Variants in PAQR5 observed in about 807,000 individuals in gnomAD.
PAQR5 encodes membrane progestin receptor gamma.
In PAQR5, 20 loss-of-function variants were observed where a neutral mutation model predicts 34.5. The observed-to-expected ratio is 0.58, with a 90% CI of 0.41 to 0.84. The LOEUF (loss-of-function observed/expected upper bound fraction) is 0.84. PAQR5 is among the 40% of genes least tolerant of loss of function. PAQR5 has a pLI of 0.00. For missense variants in PAQR5, 378 were observed against 412.7 expected (o/e 0.92, Z 0.73); for synonymous variants, 131 against 155.6 (o/e 0.84, Z 1.18).
chr15:69,317,269 C>T (rs947540393), intron 1 of PAQR5, among the ~76,000 whole-genome samples: 20 of 152,226 alleles, frequency 1.3e-4, no homozygotes, highest in East Asian at 5.8e-4. Flanking sequence ...ATGCCATACA[C>T]ACCAGGGGGA....
chr15:69,306,654 C>T (rs1004394546), intron 1 of PAQR5, among the ~76,000 whole-genome samples: 4 of 152,098 alleles, frequency 2.6e-5, no homozygotes, highest in Non-Finnish European at 1.5e-5. Context: ...CTGCCCACCT[C>T]GGCCTCCCAA....
At chr15:69,351,587 A>G (rs4567654) in intron 2 of PAQR5, among the ~76,000 whole-genome samples, 12,118 of 152,248 alleles carry the variant, frequency 0.08, 1,144 homozygotes, top group African/African-American at 0.22. Context: ...TAAACTCTCC[A>G]GCCCTTTGTC....
chr15:69,377,053 C>T (rs2055727630), intron 3 of PAQR5, among the ~76,000 whole-genome samples: 1 of 152,218 alleles, frequency 6.6e-6, no homozygotes, highest in Non-Finnish European at 1.5e-5. Context: ...AATGTTTCTG[C>T]TCTCACTGGT....
At position 69,299,008 on chromosome 15, in the gene PAQR5, G is replaced by T. The variant is rs527940996; in HGVS notation, c.-325G>T. The T allele has an allele frequency of 6.6e-6, 1 of 152,162 alleles. No homozygotes were observed. Among genetic ancestry groups the T allele is most frequent in the South Asian group, 2.1e-4 (1 of 4,828 alleles). 9.4% of individuals were successfully genotyped at this position (152,162 alleles called of 1,614,324 possible). A position where few individuals can be genotyped will look rare whatever the true frequency, so the allele number is the denominator to read the frequency against. On this transcript the variant is annotated 5_prime_UTR_variant, in exon 1 of 9. Transcript: ENST00000395407. ...AGTGTCTGGTCTCCGGCCTGCCTGT[G>T]CTGTCCCCGCGCCCTGTCCACTGGA...
chr15:69,370,003 T>A (rs1169447546), intron 3 of PAQR5, among the ~76,000 whole-genome samples: 2 of 152,196 alleles, frequency 1.3e-5, no homozygotes, highest in Non-Finnish European at 1.5e-5. Flanking sequence ...TACTTTTGTG[T>A]GATTTTTGCT....
Position 69,384,852 on chromosome 15 carries a change from G to A in PAQR5, c.355G>A (p.Asp119Asn), listed in dbSNP as rs754919988. ...KNARHICYFL[D>N]YGAVNLFSLG... ...TGCCCGGCACATTTGCTACTTCCTGGACTATGGTGCCGTCAACCTCTTCAG... is the reference window on the plus strand; with the variant it reads ...TGCCCGGCACATTTGCTACTTCCTGAACTATGGTGCCGTCAACCTCTTCAG... The change falls in exon 5 of 9, where the codon GAC becomes AAC. Residue 119 changes from aspartate to asparagine, a missense_variant. Asp to Asn is a conservative substitution (Grantham distance 23, BLOSUM62 1). Coordinates refer to ENST00000395407, the MANE Select transcript of PAQR5 (RefSeq NM_017705.4). 1 of 1,614,026 alleles carries A rather than the reference G, an allele frequency of 6.2e-7. No homozygotes were observed. Among genetic ancestry groups the A allele is most frequent in the South Asian group, 1.1e-5 (1 of 91,072 alleles).
chr15:69,304,410 A>G (rs1566988872), intron 1 of PAQR5, among the ~76,000 whole-genome samples: 1 of 152,186 alleles, frequency 6.6e-6, no homozygotes, highest in Non-Finnish European at 1.5e-5. Context: ...CCACAGTTGG[A>G]GACATGGTGT....
chr15:69,382,762 GTA>G (rs1285413934), intron 4 of PAQR5: 1 of 119,232 alleles, frequency 8.4e-6, no homozygotes, highest in African/African-American at 3.3e-5. Flanking sequence ...ATATATATGT[GTA>G]TATATATGTG....
At chr15:69,329,092 G>A (rs552879822) in intron 1 of PAQR5, among the ~76,000 whole-genome samples, 5 of 152,344 alleles carry the variant, frequency 3.3e-5, no homozygotes, top group African/African-American at 7.2e-5. Context: ...ATGCGGCTTC[G>A]CCCTTGTTCA....
intron 1 of PAQR5, among the ~76,000 whole-genome samples, chr15:69,333,987 T>G (rs1003307014): frequency 1.1e-4 from 16 of 152,186 alleles, no homozygotes; most frequent in Admixed American, 6.5e-5. Context: ...CGTAATACCT[T>G]TTTGTTCACA....
chr15:69,366,080 C>T (rs1338014719), intron 3 of PAQR5, among the ~76,000 whole-genome samples: 1 of 152,206 alleles, frequency 6.6e-6, no homozygotes, highest in Admixed American at 6.5e-5. Context: ...ATTTTCATCA[C>T]TCCAGAAAGA....
At chr15:69,307,384 C>A (rs1406498916) in intron 1 of PAQR5, among the ~76,000 whole-genome samples, 1 of 151,992 alleles carries the variant, frequency 6.6e-6, no homozygotes, top group African/African-American at 2.4e-5. Context: ...TTCGGAGGAA[C>A]CATCATAGTA....
rs1231987918 is a variant in PAQR5 at position 69,360,071 on chromosome 15, C to T, written c.-10C>T. ...CTGTCACCTACTGGCCTTGCCAATCCAGCTCCAAGATGCTGAGCCTGAAGC... is the reference window on the plus strand; with the variant it reads ...CTGTCACCTACTGGCCTTGCCAATCTAGCTCCAAGATGCTGAGCCTGAAGC... On this transcript the variant is annotated 5_prime_UTR_variant, in exon 3 of 9. Coordinates refer to ENST00000395407, the MANE Select transcript of PAQR5 (RefSeq NM_017705.4). 1.2e-6 allele frequency: 2 copies of T among 1,612,964 alleles called. No homozygotes were observed. The highest frequency in any genetic ancestry group is 1.7e-6 in the Non-Finnish European group (2 of 1,179,156).
At chr15:69,327,801 C>T (rs976619393) in intron 1 of PAQR5, among the ~76,000 whole-genome samples, 4 of 152,048 alleles carry the variant, frequency 2.6e-5, no homozygotes, top group Admixed American at 2.6e-4. Context: ...TGGGAGGATG[C>T]TTGAATCCTT....
intron 8 of PAQR5, 86 bp downstream of exon 8, chr15:69,400,201 A>C (rs2056580748): frequency 7.3e-7 from 1 of 1,373,960 alleles, no homozygotes; most frequent in South Asian, 1.4e-5. Flanking sequence ...ACGTAGCTGC[A>C]AAGGGCAGGG....
At position 69,315,655 on chromosome 15, in the gene PAQR5, A is replaced by G. The variant is rs554219464; in HGVS notation, c.-277+16599A>G. On this transcript the variant is annotated intron_variant, in intron 1 of 8. Transcript: ENST00000395407. ...CCTTGACTGGCACTTTCCACCTCAC[A>G]TACCCAGGGACACGAGTTTGGGAGA... 3.3e-5 allele frequency among the ~76,000 whole-genome samples: 5 copies of G among 152,348 alleles called. No individual in the cohort carries two copies. In the South Asian group the frequency reaches 1.0e-3, roughly 32 times the overall value.
rs56151928 is a variant in PAQR5 at position 69,300,937 on chromosome 15, C to CTTTCCTTCTTTCTTTCTTTCTTTCTT, written c.-277+1882_-277+1883insTTCCTTCTTTCTTTCTTTCTTTCTTT. Among the ~76,000 whole-genome samples, 7 of 5,182 alleles carry CTTTCCTTCTTTCTTTCTTTCTTTCTT rather than the reference C, an allele frequency of 1.4e-3. 1 individual carries two copies. The highest frequency in any genetic ancestry group is 2.7e-3 in the Non-Finnish European group (3 of 1,106). 3.4% of individuals were successfully genotyped at this position (5,182 alleles called of 152,430 possible). On this transcript the variant is annotated intron_variant, in intron 1 of 8. Transcript: ENST00000395407. Reference sequence around the variant, plus strand: ...CCTTTCTCTCTCTCTCTCTCTCTCTCTCTTTCTTTCCTTCTTTCTTTCTTT... The same window carrying CTTTCCTTCTTTCTTTCTTTCTTTCTT: ...CCTTTCTCTCTCTCTCTCTCTCTCTCTTTCCTTCTTTCTTTCTTTCTTTCTTTCTTTCTTTCCTTCTTTCTTTCTTT...
At chr15:69,369,745 A>AT (rs3085530) in intron 3 of PAQR5, among the ~76,000 whole-genome samples, 2,401 of 147,832 alleles carry the variant, frequency 0.016, 35 homozygotes, top group African/African-American at 0.039. Flanking sequence ...TTTGGGAGAG[A>AT]TTTTTTTTTT....
Position 69,357,947 on chromosome 15 carries a change from C to T in PAQR5, c.-115-2019C>T, listed in dbSNP as rs138323653. Among the ~76,000 whole-genome samples, 463 of 152,182 alleles carry T rather than the reference C, an allele frequency of 3.0e-3. 2 individuals carry two copies. The highest frequency in any genetic ancestry group is 0.01 in the African/African-American group (435 of 41,530). ...GGAGGCTTCTTCCTGAAGGGGCAGA[C>T]GAGGCCTAGGGAGTTAGCTGTGACT... On this transcript the variant is annotated intron_variant, in intron 2 of 8. Transcript: ENST00000395407.
Sources: gnomAD v4.1 joint callset for allele counts (sites outside exome capture counted in the v4.1 genomes callset) on GRCh38, gnomAD v4.1.1 for gene constraint, MANE v1.5 for transcripts, NCBI Gene and HGNC (gene_info 2026-07-23, HGNC 2026-07-21) for gene names.